The following CCDC7 variants were observed in gnomAD, a reference collection of about 807,000 sequenced individuals.
The protein encoded by CCDC7 is coiled-coil domain-containing protein 7.
In CCDC7, 183 loss-of-function variants were observed where a neutral mutation model predicts 196.9. That is an observed-to-expected ratio of 0.93 (90% CI 0.82 to 1.05). The LOEUF (loss-of-function observed/expected upper bound fraction) is 1.05. Ranked by LOEUF, CCDC7 falls within the 50% of genes least tolerant of loss-of-function variation. The probability of loss-of-function intolerance (pLI) is 0.00; values close to 1 mark genes in which losing one functional copy is unlikely to be tolerated. For missense variants in CCDC7, 1,540 were observed against 1,482.2 expected (o/e 1.04, Z -0.64); for synonymous variants, 525 against 484.6 (o/e 1.08, Z -1.10).
At chr10:32,558,150 A>C (rs1035344034) in intron 13 of CCDC7, among the ~76,000 whole-genome samples, 1 of 152,118 alleles carries the variant, frequency 6.6e-6, no homozygotes, top group Non-Finnish European at 1.5e-5. Flanking sequence ...ATTGTCTTTT[A>C]TCTTAAGAAT....
chr10:32,702,339 T>A (rs542396262), intron 24 of CCDC7, among the ~76,000 whole-genome samples: 3 of 152,322 alleles, frequency 2.0e-5, no homozygotes, highest in Admixed American at 6.5e-5. Flanking sequence ...TTTGAGTGAC[T>A]TTCTTAATCC....
chr10:32,563,252 C>T (rs2056101468), intron 13 of CCDC7, among the ~76,000 whole-genome samples: 2 of 152,088 alleles, frequency 1.3e-5, no homozygotes, highest in South Asian at 4.1e-4. Context: ...TCAATGCCAT[C>T]CCCATCCAGC....
chr10:32,460,147 T>C (rs141038740), intron 3 of CCDC7, among the ~76,000 whole-genome samples: 6,167 of 152,272 alleles, frequency 0.04, 133 homozygotes, highest in Middle Eastern at 0.051. Flanking sequence ...TTATAAGCTC[T>C]GTATATAAAT....
intron 11 of CCDC7, 102 bp from the exon 13 acceptor site, chr10:32,543,198 A>G (rs945392323): frequency 3.6e-6 from 4 of 1,097,986 alleles, no homozygotes; most frequent in Non-Finnish European, 4.7e-6. Flanking sequence ...TTGTATAGTG[A>G]CTCTCAGAGT....
At chr10:32,675,828 T>C (rs1027469747) in intron 21 of CCDC7, 5 of 152,074 alleles carry the variant, frequency 3.3e-5, no homozygotes, top group East Asian at 1.9e-4. Context: ...TTTATAGATT[T>C]AATGCCATCC....
At chr10:32,497,861 T>C (rs939948423) in intron 9 of CCDC7, among the ~76,000 whole-genome samples, 18 of 152,354 alleles carry the variant, frequency 1.2e-4, no homozygotes, top group African/African-American at 4.3e-4. Context: ...GAGAAGAATG[T>C]ATATTCTGTT....
chr10:32,559,441 C>A (rs375210776), intron 13 of CCDC7, among the ~76,000 whole-genome samples: 4 of 152,224 alleles, frequency 2.6e-5, no homozygotes, highest in Non-Finnish European at 5.9e-5. Flanking sequence ...GGCAGACTGA[C>A]ACCTCACACG....
At chr10:32,652,908 T>C (rs561727053) in intron 20 of CCDC7, among the ~76,000 whole-genome samples, 9 of 152,240 alleles carry the variant, frequency 5.9e-5, no homozygotes, top group Non-Finnish European at 7.3e-5. Context: ...AAAAAATTTC[T>C]GATGTTTCGT....
Position 32,634,573 on chromosome 10 carries a change from CCTT to C in CCDC7, c.1912+210_1912+212del, listed in dbSNP as rs2065334886. Among the ~76,000 whole-genome samples, 11 of 151,704 alleles carry C rather than the reference CCTT, an allele frequency of 7.3e-5. No individual in the cohort carries two copies. The South Asian group carries it at 1.9e-3, about 26-fold the overall frequency. On this transcript the variant is annotated intron_variant, in intron 19 of 41. Transcript: ENST00000639629. ...CACCATGCCTGGCTAATTTTTGTATCCTTAGTAGAGACGGGGTTTCACCATGTT... is the reference window on the plus strand; with the variant it reads ...CACCATGCCTGGCTAATTTTTGTATCAGTAGAGACGGGGTTTCACCATGTT...
chr10:32,496,288 A>G (rs1214329874), intron 9 of CCDC7, among the ~76,000 whole-genome samples: 1 of 152,206 alleles, frequency 6.6e-6, no homozygotes, highest in Non-Finnish European at 1.5e-5. Flanking sequence ...TTTTGGGCTG[A>G]GACGATGGGG....
chr10:32,691,666 G>A (rs774889826), intron 23 of CCDC7, among the ~76,000 whole-genome samples: 10 of 152,100 alleles, frequency 6.6e-5, no homozygotes, highest in African/African-American at 1.9e-4. Flanking sequence ...TAGAGACAGC[G>A]GAATGGCTCA....
chr10:32,579,691 TC>T (rs1238439611), intron 16 of CCDC7, among the ~76,000 whole-genome samples: 4 of 152,072 alleles, frequency 2.6e-5, no homozygotes, highest in Non-Finnish European at 5.9e-5. Flanking sequence ...AAAAGAAACA[TC>T]CTACTTAATC....
At chr10:32,477,683 G>T (rs2134049607) in intron 8 of CCDC7, among the ~76,000 whole-genome samples, 1 of 152,046 alleles carries the variant, frequency 6.6e-6, no homozygotes, top group East Asian at 1.9e-4. Flanking sequence ...TCTGTTTTTG[G>T]ACTCTTTATT....
chr10:32,658,885 T>C (rs2070596089), intron 20 of CCDC7, among the ~76,000 whole-genome samples: 1 of 152,226 alleles, frequency 6.6e-6, no homozygotes, highest in South Asian at 2.1e-4. Flanking sequence ...TGTGGTCAGT[T>C]GTAATGTCTC....
At chr10:32,695,148 TATA>T (rs2077551991) in intron 24 of CCDC7, among the ~76,000 whole-genome samples, 156 bp downstream of exon 25, 1 of 152,346 alleles carries the variant, frequency 6.6e-6, no homozygotes, top group South Asian at 2.1e-4. Flanking sequence ...ACAAAAGCCA[TATA>T]ATATTTGGTT....
intron 9 of CCDC7, among the ~76,000 whole-genome samples, chr10:32,507,445 C>T (rs2045376154): frequency 6.6e-6 from 1 of 151,890 alleles, no homozygotes; most frequent in South Asian, 2.1e-4. Flanking sequence ...TATGTAAGGA[C>T]TTACTATTAC....
intron 33 of CCDC7, among the ~76,000 whole-genome samples, chr10:32,844,260 A>G (rs2136147804): frequency 6.6e-6 from 1 of 152,106 alleles, no homozygotes; most frequent in Admixed American, 6.6e-5. Flanking sequence ...CTCCAGTGGA[A>G]AGGAATGCAA....
intron 25 of CCDC7, chr10:32,725,464 A>T (rs545850304): frequency 2.2e-6 from 1 of 463,492 alleles, no homozygotes; most frequent in African/African-American, 2.0e-5. Context: ...GTTTCCTTTC[A>T]GTTTTAGTTC....
intron 13 of CCDC7, among the ~76,000 whole-genome samples, chr10:32,550,347 A>C (rs547801781): frequency 6.6e-6 from 1 of 151,812 alleles, no homozygotes; most frequent in African/African-American, 2.4e-5. Context: ...AATGATTGTC[A>C]GCAAACAGTG....
Sources: gnomAD v4.1 joint callset for allele counts (sites outside exome capture counted in the v4.1 genomes callset) on GRCh38, gnomAD v4.1.1 for gene constraint, MANE v1.5 for transcripts, NCBI Gene and HGNC (gene_info 2026-07-23, HGNC 2026-07-21) for gene names.